MEMO1: variants seen among roughly 807,000 people sequenced by gnomAD.
MEMO1 encodes mediator of cell motility 1.
MEMO1 carries 6 observed loss-of-function variants against 45.2 expected under a neutral mutation model. The ratio of observed to expected loss-of-function variants is 0.13; its 90% CI spans 0.07 to 0.26. MEMO1 has a LOEUF of 0.26. Ranked by LOEUF, MEMO1 falls within the 10% of genes least tolerant of loss-of-function variation. The probability of loss-of-function intolerance (pLI) is 1.00; values close to 1 mark genes in which losing one functional copy is unlikely to be tolerated. For synonymous variants in MEMO1, 78 were observed against 124.3 expected, an observed-to-expected ratio of 0.63 and a Z score of 2.48; for missense variants, 184 against 370.5, an observed-to-expected ratio of 0.50 and a Z score of 4.13.
intron 2 of MEMO1, among the ~76,000 whole-genome samples, chr2:31,991,571 CA>C (rs11317637): frequency 0.92 from 101,192 of 110,210 alleles, 46,171 homozygotes; most frequent in Middle Eastern, 0.98. Context: ...AACTCCGACT[CA>C]AAAAAAAAAA....
At chr2:31,971,404 T>A (rs1403811427) in intron 2 of MEMO1, among the ~76,000 whole-genome samples, 1 of 152,070 alleles carries the variant, frequency 6.6e-6, no homozygotes, top group Non-Finnish European at 1.5e-5. Context: ...TGCATCACCA[T>A]GCCCAGATGA....
intron 2 of MEMO1, among the ~76,000 whole-genome samples, chr2:31,989,024 T>C (rs1671616663): frequency 6.6e-6 from 1 of 151,990 alleles, no homozygotes; most frequent in African/African-American, 2.4e-5. Flanking sequence ...CTGACCAACA[T>C]GGAGAAACCC....
chr2:31,903,696 CAT>C (rs1449635970), intron 6 of MEMO1, among the ~76,000 whole-genome samples: 4 of 152,060 alleles, frequency 2.6e-5, no homozygotes, highest in African/African-American at 4.8e-5. Flanking sequence ...AACTGAGAAA[CAT>C]AAAGTTACAT....
chr2:31,916,498 G>T (rs1342135786), intron 6 of MEMO1, among the ~76,000 whole-genome samples: 1 of 152,158 alleles, frequency 6.6e-6, no homozygotes, highest in Non-Finnish European at 1.5e-5. Context: ...CAAAGTGCTG[G>T]AATTACAGAC....
chr2:31,930,253 C>T (rs1271536373), intron 4 of MEMO1, among the ~76,000 whole-genome samples: 1 of 152,210 alleles, frequency 6.6e-6, no homozygotes, highest in African/African-American at 2.4e-5. Flanking sequence ...CAGAGCCAGA[C>T]TGTGTCTCAA....
intron 6 of MEMO1, 32 bp downstream of exon 6, chr2:31,917,894 T>C: frequency 7.1e-7 from 1 of 1,405,748 alleles, no homozygotes; most frequent in East Asian, 2.4e-5. Context: ...TGTCTATGAT[T>C]TCCTGGGGAT....
chr2:31,905,788 A>G (rs1679580580), intron 6 of MEMO1, among the ~76,000 whole-genome samples: 1 of 152,194 alleles, frequency 6.6e-6, no homozygotes, highest in South Asian at 2.1e-4. Flanking sequence ...AATTCTGTGT[A>G]GAATCCTCAT....
rs141389473 is a variant in MEMO1 at position 31,954,766 on chromosome 2, G to A, written c.62-11383C>T. On this transcript the variant is annotated intron_variant, in intron 2 of 9. Transcript: ENST00000404530. ...GGAGAATTGCTTGAACCCAGGAGGC[G>A]GAGGTTGCAGTAAGCCAAGATCGTG... Among the ~76,000 whole-genome samples the A allele has an allele frequency of 8.9e-4, 135 of 152,024 alleles. 1 individual carries two copies. The highest frequency in any genetic ancestry group is 3.0e-3 in the African/African-American group (125 of 41,468).
At chr2:31,888,394 C>T (rs1385171385) in intron 7 of MEMO1, among the ~76,000 whole-genome samples, 5 of 152,008 alleles carry the variant, frequency 3.3e-5, no homozygotes, top group Non-Finnish European at 5.9e-5. Context: ...AAGCTGCCAA[C>T]AATCTAAATT....
chr2:31,875,684 CCTTT>C (rs1431341473), intron 8 of MEMO1, among the ~76,000 whole-genome samples: 3 of 151,828 alleles, frequency 2.0e-5, no homozygotes, highest in Non-Finnish European at 4.4e-5. Context: ...GTTGCTACTT[CCTTT>C]ATTTTTTTTC....
intron 2 of MEMO1, among the ~76,000 whole-genome samples, chr2:31,965,866 G>A (rs560862860): frequency 3.3e-5 from 5 of 152,196 alleles, no homozygotes; most frequent in South Asian, 2.1e-4. Flanking sequence ...AATGCATGCC[G>A]GGCTTAATAC....
At position 31,943,333 on chromosome 2, in the gene MEMO1, T is replaced by A. The variant is rs778834061; in HGVS notation, c.112A>T (p.Thr38Ser). The change falls in exon 3 of 10, where the codon ACA (threonine) becomes TCA (serine). Residue 38 changes from threonine to serine, a missense_variant. Transcript: ENST00000404530. ...LEGWLSQVQS[T>S]KRPARAIIAP... Reference sequence around the variant, plus strand: ...ATAATGGCTCTAGCAGGTCTTTTTGTAGACTGTACTTGTGAAAGCCAACCT... The same window carrying A: ...ATAATGGCTCTAGCAGGTCTTTTTGAAGACTGTACTTGTGAAAGCCAACCT... The A allele has an allele frequency of 2.7e-5, 43 of 1,613,812 alleles. No individual in the cohort carries two copies. The East Asian group carries it at 9.6e-4, about 36-fold the overall frequency.
At chr2:31,972,597 G>A (rs1320681167) in intron 2 of MEMO1, among the ~76,000 whole-genome samples, 3 of 152,132 alleles carry the variant, frequency 2.0e-5, no homozygotes, top group African/African-American at 4.8e-5. Context: ...TGTAGTCCCA[G>A]CTACTCAGGA....
chr2:31,920,711 T>C (rs946985959), intron 5 of MEMO1, 87 bp downstream of exon 5: 11 of 661,326 alleles, frequency 1.7e-5, no homozygotes, highest in South Asian at 7.3e-5. Flanking sequence ...ATATTACTTA[T>C]GATATTCATA....
Position 31,985,008 on chromosome 2 carries a change from A to G in MEMO1, c.61+25179T>C, listed in dbSNP as rs76131291. On this transcript the variant is annotated intron_variant, in intron 2 of 9. Transcript: ENST00000404530. Reference sequence around the variant, plus strand: ...TATACAGAAATTCTGTACTATCTTTATAACTTTTCAGTAAATCTAAAATCT... The same window carrying G: ...TATACAGAAATTCTGTACTATCTTTGTAACTTTTCAGTAAATCTAAAATCT... Among the ~76,000 whole-genome samples, 374 of 152,360 alleles carry G rather than the reference A, an allele frequency of 2.5e-3. 2 individuals are homozygous for G. Among genetic ancestry groups the G allele is most frequent in the African/African-American group, 8.6e-3 (358 of 41,584 alleles).
intron 6 of MEMO1, among the ~76,000 whole-genome samples, chr2:31,904,942 C>G (rs1366973553): frequency 2.0e-5 from 3 of 152,008 alleles, no homozygotes; most frequent in African/African-American, 4.8e-5. Flanking sequence ...CTACAGAGAT[C>G]CAGAAAACAG....
chr2:32,003,188 T>A lies in MEMO1; in HGVS notation c.61+6999A>T, dbSNP rs1361796998. Among the ~76,000 whole-genome samples, 6 of 152,256 alleles carry A rather than the reference T, an allele frequency of 3.9e-5. No individual in the cohort carries two copies. The South Asian group carries it at 1.2e-3, about 32-fold the overall frequency. On this transcript the variant is annotated intron_variant, in intron 2 of 9. Coordinates refer to ENST00000404530, the MANE Select transcript of MEMO1 (RefSeq NM_001301833.4). ...AAACTTACAGTACATGCCAAAAAAA[T>A]TAAGCTGTAGTTTTCCAGCTATAGA...
intron 2 of MEMO1, among the ~76,000 whole-genome samples, chr2:31,998,740 C>T (rs1033678589): frequency 2.7e-5 from 4 of 150,918 alleles, no homozygotes; most frequent in African/African-American, 9.8e-5. Context: ...GCGGACATTG[C>T]AGTGAGTAGA....
At chr2:31,964,984 C>A (rs1055899566) in intron 2 of MEMO1, among the ~76,000 whole-genome samples, 1 of 151,826 alleles carries the variant, frequency 6.6e-6, no homozygotes, top group Non-Finnish European at 1.5e-5. Context: ...GAGGTTGAGG[C>A]GGGTGGATCA....
Sources: gnomAD v4.1 joint callset for allele counts (sites outside exome capture counted in the v4.1 genomes callset) on GRCh38, gnomAD v4.1.1 for gene constraint, MANE v1.5 for transcripts, NCBI Gene and HGNC (gene_info 2026-07-23, HGNC 2026-07-21) for gene names.